The following KAZN variants were observed in gnomAD, a reference collection of about 807,000 sequenced individuals.
KAZN encodes kazrin, periplakin interacting protein.
A neutral mutation model predicts 87.4 loss-of-function variants in KAZN; 40 were observed. The observed-to-expected ratio is 0.46, with a 90% CI of 0.36 to 0.60. KAZN has a LOEUF of 0.60. KAZN is among the 20% of genes least tolerant of loss of function. KAZN has a pLI of 0.00. For synonymous variants in KAZN, 466 were observed against 458.3 expected (o/e 1.02, Z -0.22); for missense variants, 898 against 1,073.9 (o/e 0.84, Z 2.29).
chr1:14,840,452 C>T (rs1290136189), intron 1 of KAZN, among the ~76,000 whole-genome samples: 3 of 152,330 alleles, frequency 2.0e-5, no homozygotes, highest in Non-Finnish European at 4.4e-5. Flanking sequence ...TTCGCAAGCA[C>T]ATTAAATATC....
chr1:14,149,361 C>A (rs1166157206), intron 1 of KAZN, among the ~76,000 whole-genome samples: 1 of 151,992 alleles, frequency 6.6e-6, no homozygotes, highest in African/African-American at 2.4e-5. Context: ...CCTGCCTCGG[C>A]CTCCCAAAGT....
chr1:14,373,450 T>C (rs776264491), intron 2 of KAZN, among the ~76,000 whole-genome samples: 14 of 152,086 alleles, frequency 9.2e-5, no homozygotes, highest in Non-Finnish European at 2.1e-4. Flanking sequence ...AATTCAACCT[T>C]CTTCTGCCTT....
At chr1:14,412,775 A>C (rs878988887) in intron 2 of KAZN, among the ~76,000 whole-genome samples, 13 of 151,606 alleles carry the variant, frequency 8.6e-5, no homozygotes, top group Admixed American at 2.6e-4. Context: ...CATGGAAGTT[A>C]TATATGCAAA....
intron 1 of KAZN, among the ~76,000 whole-genome samples, chr1:14,760,224 C>T (rs1015977987): frequency 2.6e-5 from 4 of 152,160 alleles, no homozygotes; most frequent in African/African-American, 4.8e-5. Context: ...TTCTTTAATA[C>T]ATCACTTGGG....
chr1:13,993,573 C>A (rs1010529719), intron 1 of KAZN, among the ~76,000 whole-genome samples: 12 of 152,156 alleles, frequency 7.9e-5, no homozygotes, highest in African/African-American at 2.7e-4. Context: ...GTATCAAGTA[C>A]TGATTAGCAT....
chr1:14,428,583 TAA>T (rs904016417), intron 2 of KAZN, among the ~76,000 whole-genome samples: 28 of 152,314 alleles, frequency 1.8e-4, no homozygotes, highest in African/African-American at 6.7e-4. Context: ...AAGAAATACC[TAA>T]GACTGAGTAA....
intron 2 of KAZN, among the ~76,000 whole-genome samples, chr1:14,333,722 G>A (rs965009953): frequency 3.3e-5 from 5 of 152,204 alleles, no homozygotes; most frequent in African/African-American, 9.6e-5. Flanking sequence ...GACAGGGGCT[G>A]GTGGGGGGTG....
chr1:14,110,223 G>T (rs1272263884), intron 1 of KAZN, among the ~76,000 whole-genome samples: 1 of 152,184 alleles, frequency 6.6e-6, no homozygotes, highest in Non-Finnish European at 1.5e-5. Context: ...TTTCCTTCAC[G>T]TGCAAATTTC....
intron 1 of KAZN, among the ~76,000 whole-genome samples, chr1:14,875,480 A>T: frequency 8.1e-6 from 1 of 122,990 alleles, no homozygotes; most frequent in East Asian, 2.3e-4. Context: ...TCCTTAATTT[A>T]TTAAAAAAAA....
chr1:14,230,938 C>T (rs778415179), intron 2 of KAZN, among the ~76,000 whole-genome samples: 1 of 152,180 alleles, frequency 6.6e-6, no homozygotes, highest in Non-Finnish European at 1.5e-5. Context: ...AGACAGGTTA[C>T]TTCATCCTGG....
intron 3 of KAZN, among the ~76,000 whole-genome samples, chr1:15,037,001 G>A (rs921588596): frequency 4.6e-5 from 7 of 152,158 alleles, no homozygotes; most frequent in African/African-American, 1.4e-4. Context: ...CAGAGCCTAC[G>A]GGCCTTCCCC....
chr1:14,500,283 C>A (rs1670169194), intron 2 of KAZN, among the ~76,000 whole-genome samples: 1 of 152,192 alleles, frequency 6.6e-6, no homozygotes, highest in East Asian at 2.0e-4. Context: ...AGCCGTGCTG[C>A]AGTGGGAAAA....
At chr1:14,460,984 T>C (rs1667820855) in intron 2 of KAZN, among the ~76,000 whole-genome samples, 1 of 152,134 alleles carries the variant, frequency 6.6e-6, no homozygotes, top group Non-Finnish European at 1.5e-5. Flanking sequence ...AAACCTAGAG[T>C]ATCTGGACCC....
At chr1:14,350,417 A>G (rs1268322743) in intron 2 of KAZN, among the ~76,000 whole-genome samples, 6 of 152,230 alleles carry the variant, frequency 3.9e-5, no homozygotes, top group African/African-American at 1.4e-4. Context: ...CTGGTTCCTC[A>G]TTATGGCTGT....
intron 2 of KAZN, among the ~76,000 whole-genome samples, chr1:14,563,052 T>A (rs1420228175): frequency 6.6e-6 from 1 of 152,122 alleles, no homozygotes; most frequent in Non-Finnish European, 1.5e-5. Context: ...AGCTGTCAAA[T>A]CAGAAGGACA....
chr1:14,968,272 T>C (rs1178329773), intron 2 of KAZN, among the ~76,000 whole-genome samples: 2 of 152,042 alleles, frequency 1.3e-5, no homozygotes, highest in African/African-American at 4.8e-5. Context: ...GGGTTCGTGC[T>C]CCTATGAGAG....
intron 1 of KAZN, among the ~76,000 whole-genome samples, chr1:14,891,767 T>A (rs1476358577): frequency 6.6e-6 from 1 of 152,202 alleles, no homozygotes; most frequent in Non-Finnish European, 1.5e-5. Flanking sequence ...TACAGGTGAT[T>A]TATACTTTTT....
chr1:14,773,812 A>C lies in KAZN; in HGVS notation c.226+174589A>C, dbSNP rs1396479917. Among the ~76,000 whole-genome samples, 2 of 152,142 alleles carry C rather than the reference A, an allele frequency of 1.3e-5. No homozygotes were observed. The highest frequency in any genetic ancestry group is 2.4e-5 in the African/African-American group (1 of 41,446). Reference sequence around the variant, plus strand: ...TGGGAGCTGCGGCAGGTCCCAGCCCAGGCCAGGCCTGCTCTCCTCCCCTCC... The same window carrying C: ...TGGGAGCTGCGGCAGGTCCCAGCCCCGGCCAGGCCTGCTCTCCTCCCCTCC... On this transcript the variant is annotated intron_variant, in intron 1 of 14. Coordinates refer to ENST00000376030, the MANE Select transcript of KAZN (RefSeq NM_201628.3). This position sits in a 1 kb window ranked among gnomAD's most constrained non-coding sequence, Gnocchi z 5.9.
chr1:14,719,222 A>G (rs928712912), intron 1 of KAZN, among the ~76,000 whole-genome samples: 1 of 152,242 alleles, frequency 6.6e-6, no homozygotes, highest in African/African-American at 2.4e-5. Flanking sequence ...ATAAAATAAT[A>G]ACCAATTTTG....
Sources: allele counts gnomAD v4.1 joint callset (sites outside exome capture counted in the v4.1 genomes callset), GRCh38; gene constraint gnomAD v4.1.1; non-coding constraint Gnocchi (gnomAD v3.1); transcripts MANE v1.5; gene names NCBI Gene and HGNC (gene_info 2026-07-23, HGNC 2026-07-21).